ANKFN1: variants seen among roughly 807,000 people sequenced by gnomAD.
ANKFN1 encodes the protein ankyrin repeat and fibronectin type III domain containing 1, also known as ankyrin repeat and fibronectin type-III domain-containing protein 1.
In ANKFN1, 74 loss-of-function variants were observed where a neutral mutation model predicts 108.7. The observed-to-expected ratio is 0.68, with a 90% CI of 0.56 to 0.83. The LOEUF is 0.83. Among genes scored for constraint, ANKFN1 ranks in the 40% least tolerant of loss-of-function variants. The pLI, the probability that ANKFN1 is intolerant of heterozygous loss-of-function variation, is 0.00. For synonymous variants in ANKFN1, 547 were observed against 516.2 expected, an observed-to-expected ratio of 1.06 and a Z score of -0.81; for missense variants, 1,505 against 1,382.3, an observed-to-expected ratio of 1.09 and a Z score of -1.41.
chr17:56,314,810 C>G (rs535774809), intron 3 of ANKFN1, among the ~76,000 whole-genome samples: 39 of 152,122 alleles, frequency 2.6e-4, no homozygotes, highest in Non-Finnish European at 5.3e-4. Flanking sequence ...ACCTCAGGAC[C>G]TTTTAGATAA....
intron 8 of ANKFN1, among the ~76,000 whole-genome samples, chr17:56,377,712 C>A (rs770563389): frequency 2.6e-5 from 4 of 152,212 alleles, no homozygotes; most frequent in African/African-American, 7.2e-5. Context: ...CATTTCTCTG[C>A]AGGCCTGAGA....
chr17:56,390,279 T>C (rs1411166572), intron 8 of ANKFN1, among the ~76,000 whole-genome samples: 2 of 151,954 alleles, frequency 1.3e-5, no homozygotes, highest in African/African-American at 2.4e-5. Context: ...CTCCAACTTA[T>C]GAGTGAGAAC....
At chr17:56,257,821 T>G (rs1022334022) in intron 3 of ANKFN1, 1 of 152,170 alleles carries the variant, frequency 6.6e-6, no homozygotes, top group East Asian at 1.9e-4. Context: ...GGAGAGGATT[T>G]TGGAACCAAA....
chr17:56,065,214 T>A (rs533766968), intron 4 of ANKFN1, among the ~76,000 whole-genome samples: 208 of 152,340 alleles, frequency 1.4e-3, no homozygotes, highest in African/African-American at 4.8e-3. Context: ...TCTTTTCTCC[T>A]GAAGCTTCTT....
At chr17:56,145,351 C>G (rs55710378) in intron 4 of ANKFN1, among the ~76,000 whole-genome samples, 46,482 of 151,826 alleles carry the variant, frequency 0.31, 8,734 homozygotes, top group East Asian at 0.53. Flanking sequence ...CTCATGCTGC[C>G]ATAAAGAACT....
chr17:56,510,458 T>C lies in ANKFN1; in HGVS notation c.2645-15T>C. 6.5e-7 allele frequency: 1 copy of C among 1,533,130 alleles called. No individual in the cohort carries two copies. Among genetic ancestry groups the C allele is most frequent in the Non-Finnish European group, 8.7e-7 (1 of 1,145,800 alleles). The allele number at this position is 1,533,130 out of a possible 1,614,324, so 95.0% of individuals were successfully genotyped here. ...AAGACTATATTTTTCCTAACCTCAG[T>C]TTCTGGCTTCGCAGATTCACAGCCC... On this transcript the variant is annotated splice_polypyrimidine_tract_variant and intron_variant, in intron 20 of 20. Coordinates refer to ENST00000682825, the MANE Select transcript of ANKFN1 (RefSeq NM_001370326.1).
intron 6 of ANKFN1, among the ~76,000 whole-genome samples, chr17:56,360,267 T>C (rs537540674): frequency 1.3e-5 from 2 of 152,170 alleles, no homozygotes; most frequent in South Asian, 4.1e-4. Context: ...TATCTTACCA[T>C]AGGGCCTTTG....
At chr17:56,167,313 A>G (rs1190696771) in intron 1 of ANKFN1, among the ~76,000 whole-genome samples, 1 of 70,958 alleles carries the variant, frequency 1.4e-5, no homozygotes, top group Non-Finnish European at 2.5e-5. Context: ...ATACACACAC[A>G]CACACATATA....
intron 9 of ANKFN1, among the ~76,000 whole-genome samples, chr17:56,442,260 C>T (rs2049129930): frequency 6.6e-6 from 1 of 152,148 alleles, no homozygotes; most frequent in South Asian, 2.1e-4. Context: ...ATGTGGGAAC[C>T]ATCTAAATGT....
intron 4 of ANKFN1, among the ~76,000 whole-genome samples, chr17:56,083,805 C>T (rs1423996775): frequency 1.3e-5 from 2 of 151,316 alleles, no homozygotes; most frequent in Non-Finnish European, 3.0e-5. Context: ...TTACATAGGA[C>T]CTTTGTTTGT....
chr17:56,467,787 GAAAGAAGA>G (rs1240937749), intron 15 of ANKFN1, among the ~76,000 whole-genome samples: 418 of 75,138 alleles, frequency 5.6e-3, no homozygotes, highest in African/African-American at 7.0e-3. Context: ...AAGAAAGAAA[GAAAGAAGA>G]AAGAAAGAAA....
intron 4 of ANKFN1, among the ~76,000 whole-genome samples, chr17:56,119,265 TAAAG>T (rs1451352851): frequency 6.6e-6 from 1 of 152,056 alleles, no homozygotes; most frequent in African/African-American, 2.4e-5. Context: ...AAAGACGAGT[TAAAG>T]AAAGACAAGG....
At chr17:56,424,517 T>A (rs1416104075) in intron 8 of ANKFN1, among the ~76,000 whole-genome samples, 2 of 152,178 alleles carry the variant, frequency 1.3e-5, no homozygotes, top group African/African-American at 4.8e-5. Context: ...TGTCACAAAG[T>A]AAAAATGTTA....
intron 4 of ANKFN1, among the ~76,000 whole-genome samples, chr17:56,111,521 CAAA>C (rs201360564): frequency 4.9e-5 from 5 of 101,654 alleles, no homozygotes; most frequent in African/African-American, 7.0e-5. Context: ...TCATAAATGG[CAAA>C]AAAAAAAAAA....
chr17:56,102,238 A>T (rs1160314894), intron 4 of ANKFN1, among the ~76,000 whole-genome samples: 1 of 152,188 alleles, frequency 6.6e-6, no homozygotes, highest in African/African-American at 2.4e-5. Context: ...TTCTTTTAAC[A>T]TCATTTTATC....
intron 1 of ANKFN1, among the ~76,000 whole-genome samples, chr17:56,171,569 G>A (rs75947452): frequency 7.2e-5 from 11 of 152,306 alleles, no homozygotes; most frequent in African/African-American, 4.8e-5. Flanking sequence ...CATAAACAGC[G>A]TGGGTGAACA....
chr17:56,188,577 G>GTATATATATA (rs1433162811), intron 1 of ANKFN1, among the ~76,000 whole-genome samples: 106 of 80,670 alleles, frequency 1.3e-3, no homozygotes, highest in Non-Finnish European at 1.7e-3. Context: ...GTGTGTGTGT[G>GTATATATATA]TGTGTATATA....
At chr17:56,256,700 A>G (rs2043366806) in intron 3 of ANKFN1, among the ~76,000 whole-genome samples, 1 of 152,246 alleles carries the variant, frequency 6.6e-6, no homozygotes, top group African/African-American at 2.4e-5. Flanking sequence ...TATACACAAG[A>G]ATATTTATAA....
At chr17:56,114,616 T>C (rs1187792304) in intron 4 of ANKFN1, among the ~76,000 whole-genome samples, 2 of 152,180 alleles carry the variant, frequency 1.3e-5, no homozygotes, top group Non-Finnish European at 2.9e-5. Context: ...GGACAGCTCT[T>C]GGCAGAATAA....
Sources: allele counts gnomAD v4.1 joint callset (sites outside exome capture counted in the v4.1 genomes callset), GRCh38; gene constraint gnomAD v4.1.1; transcripts MANE v1.5; gene names NCBI Gene and HGNC (gene_info 2026-07-23, HGNC 2026-07-21).